MYRIP: variants seen among roughly 807,000 people sequenced by gnomAD.
The protein encoded by MYRIP is myosin VIIA and Rab interacting protein.
In MYRIP, 49 loss-of-function variants were observed where a neutral mutation model predicts 98.0. That is an observed-to-expected ratio of 0.50 (90% CI 0.40 to 0.63). MYRIP has a LOEUF of 0.63. MYRIP is among the 30% of genes least tolerant of loss of function. The pLI, the probability that MYRIP is intolerant of heterozygous loss-of-function variation, is 0.00. For synonymous variants in MYRIP, 404 were observed against 409.5 expected, an observed-to-expected ratio of 0.99 and a Z score of 0.16; for missense variants, 1,004 against 1,058.2, an observed-to-expected ratio of 0.95 and a Z score of 0.71.
intron 1 of MYRIP, among the ~76,000 whole-genome samples, chr3:39,846,007 A>G (rs886990701): frequency 1.3e-5 from 2 of 152,322 alleles, no homozygotes; most frequent in African/African-American, 4.8e-5. Context: ...TTGCAGATCA[A>G]ATATAAATTT....
intron 11 of MYRIP, among the ~76,000 whole-genome samples, chr3:40,210,605 G>A (rs932364985): frequency 7.9e-5 from 12 of 152,014 alleles, no homozygotes; most frequent in Non-Finnish European, 1.0e-4. Flanking sequence ...TTGTTTTAGC[G>A]TCGGAATCCT....
At chr3:40,043,005 G>A (rs944474103) in intron 2 of MYRIP, among the ~76,000 whole-genome samples, 1 of 152,144 alleles carries the variant, frequency 6.6e-6, no homozygotes, top group Non-Finnish European at 1.5e-5. Context: ...GCTCACTGCT[G>A]CTATGCTCAG....
intron 3 of MYRIP, among the ~76,000 whole-genome samples, chr3:40,074,045 G>T (rs750864614): frequency 2.0e-5 from 3 of 151,812 alleles, no homozygotes; most frequent in Non-Finnish European, 4.4e-5. Context: ...CACATTTTAA[G>T]ACTGAAATAT....
rs140451395 is a variant in MYRIP, at chr3:40,189,998, C to G, written c.1200C>G (p.Asp400Glu). Residue 400 changes from aspartate to glutamate, a missense_variant, in exon 10 of 17, where the codon GAC becomes GAG. By Grantham distance (45) the Asp-to-Glu change is conservative. Around this residue, in one of 3 missense-constraint regions of MYRIP, gnomAD observed 880 missense variants for 907.7 expected, o/e 0.97. Transcript: ENST00000302541. ...AGATGGGCTCCGATAGCGAGGAAGA[C>G]TTTGACTGGAGTGAGGCCTTGAGCA... The part of the protein sequence containing the change: ...YDEMGSDSEE[D>E]FDWSEALSKL... The G allele has an allele frequency of 9.2e-4, 1,492 of 1,614,138 alleles. No individual in the cohort carries two copies. Among genetic ancestry groups the G allele is most frequent in the Admixed American group, 1.2e-3 (72 of 60,018 alleles).
chr3:39,872,664 A>C (rs1450463322), intron 1 of MYRIP, among the ~76,000 whole-genome samples: 2 of 151,950 alleles, frequency 1.3e-5, no homozygotes, highest in Non-Finnish European at 2.9e-5. Flanking sequence ...AAAGGACATG[A>C]ACTCATCATT....
intron 2 of MYRIP, among the ~76,000 whole-genome samples, chr3:39,931,739 A>AT (rs1219989810): frequency 6.6e-6 from 1 of 151,896 alleles, no homozygotes; most frequent in Non-Finnish European, 1.5e-5. Flanking sequence ...TTTGTCAAAT[A>AT]TTTTTTCTGC....
chr3:40,169,392 C>T (rs1382166134), intron 7 of MYRIP, among the ~76,000 whole-genome samples: 1 of 152,162 alleles, frequency 6.6e-6, no homozygotes, highest in African/African-American at 2.4e-5. Context: ...GCCCAGAGAC[C>T]TTGGTACGGA....
chr3:40,074,803 A>G (rs889435235), intron 3 of MYRIP, among the ~76,000 whole-genome samples: 1 of 152,222 alleles, frequency 6.6e-6, no homozygotes, highest in Non-Finnish European at 1.5e-5. Context: ...AAAAGAGCAA[A>G]GACCTTAACA....
chr3:40,153,508 A>G (rs1950161006), intron 4 of MYRIP, among the ~76,000 whole-genome samples: 1 of 152,214 alleles, frequency 6.6e-6, no homozygotes, highest in Admixed American at 6.5e-5. Context: ...TTTGAAAAAA[A>G]ACCTTCCAAT....
intron 2 of MYRIP, among the ~76,000 whole-genome samples, chr3:39,924,259 T>C (rs1470932200): frequency 6.6e-6 from 1 of 152,020 alleles, no homozygotes; most frequent in Non-Finnish European, 1.5e-5. Context: ...TATAACGATA[T>C]AGATAGGTTG....
intron 1 of MYRIP, among the ~76,000 whole-genome samples, chr3:39,835,731 T>C (rs1459625865): frequency 6.6e-6 from 1 of 152,168 alleles, no homozygotes; most frequent in Non-Finnish European, 1.5e-5. Context: ...CTCCTAATGC[T>C]ATCCCTCCCC....
chr3:40,191,985 T>TA (rs1389573422), intron 10 of MYRIP, among the ~76,000 whole-genome samples: 2 of 152,154 alleles, frequency 1.3e-5, no homozygotes, highest in Non-Finnish European at 2.9e-5. Flanking sequence ...AAGGCATTGA[T>TA]AGAGAAGAGG....
chr3:39,822,292 A>G (rs955880555), intron 1 of MYRIP, among the ~76,000 whole-genome samples: 5 of 152,182 alleles, frequency 3.3e-5, no homozygotes, highest in Non-Finnish European at 7.3e-5. Context: ...TCAAACATTT[A>G]TCATTTCTTT....
At chr3:40,258,083 T>G in intron 16 of MYRIP, 51 bp from the exon 17 acceptor site, 1 of 1,603,144 alleles carries the variant, frequency 6.2e-7, no homozygotes, top group Non-Finnish European at 8.5e-7. Flanking sequence ...CATTGCTTCT[T>G]CTCACTCTTC....
intron 2 of MYRIP, among the ~76,000 whole-genome samples, chr3:39,944,713 C>T (rs532331583): frequency 6.6e-6 from 1 of 152,096 alleles, no homozygotes; most frequent in Non-Finnish European, 1.5e-5. Context: ...AGCTAAGAAA[C>T]ACATGCTTGT....
At chr3:39,898,802 T>C (rs1446192940) in intron 1 of MYRIP, among the ~76,000 whole-genome samples, 1 of 152,170 alleles carries the variant, frequency 6.6e-6, no homozygotes, top group Non-Finnish European at 1.5e-5. Flanking sequence ...TCCAGTCAAA[T>C]AGTGATCTAT....
intron 1 of MYRIP, among the ~76,000 whole-genome samples, chr3:39,854,484 A>T (rs1183136706): frequency 6.6e-6 from 1 of 152,022 alleles, no homozygotes; most frequent in Non-Finnish European, 1.5e-5. Context: ...CATTTCCAGA[A>T]GTTGTGATTG....
intron 2 of MYRIP, among the ~76,000 whole-genome samples, chr3:40,037,659 C>A (rs1178373126): frequency 6.6e-6 from 1 of 152,016 alleles, no homozygotes; most frequent in African/African-American, 2.4e-5. Flanking sequence ...GGGACAATGA[C>A]AAGACCAGAA....
intron 1 of MYRIP, among the ~76,000 whole-genome samples, chr3:39,843,589 A>G (rs1171699581): frequency 2.0e-5 from 3 of 152,210 alleles, no homozygotes; most frequent in Non-Finnish European, 4.4e-5. Flanking sequence ...CATTCCATGG[A>G]TATGAGTCCA....
Sources: allele counts gnomAD v4.1 joint callset (sites outside exome capture counted in the v4.1 genomes callset), GRCh38; gene constraint gnomAD v4.1.1; regional missense constraint gnomAD v4.1.1; transcripts MANE v1.5; gene names NCBI Gene and HGNC (gene_info 2026-07-23, HGNC 2026-07-21).